Variants in RBMS3 observed in about 807,000 individuals in gnomAD.
RBMS3 encodes RNA-binding motif, single-stranded-interacting protein 3.
Under a neutral mutation model 66.8 loss-of-function variants are expected in RBMS3, and 27 were observed. That is an observed-to-expected ratio of 0.40 (90% CI 0.30 to 0.56). The LOEUF (loss-of-function observed/expected upper bound fraction) is 0.56. RBMS3 is among the 20% of genes least tolerant of loss of function. RBMS3 has a pLI of 0.40. For synonymous variants in RBMS3, 188 were observed against 183.0 expected, an observed-to-expected ratio of 1.03 and a Z score of -0.22; for missense variants, 513 against 549.5, an observed-to-expected ratio of 0.93 and a Z score of 0.66.
At chr3:29,801,031 A>G (rs963929439) in intron 6 of RBMS3, among the ~76,000 whole-genome samples, 2 of 150,836 alleles carry the variant, frequency 1.3e-5, no homozygotes, top group African/African-American at 4.9e-5. Context: ...ACACACCTGT[A>G]AACGGAATGA....
chr3:29,782,896 G>A (rs1332913622), intron 6 of RBMS3, among the ~76,000 whole-genome samples: 1 of 152,030 alleles, frequency 6.6e-6, no homozygotes, highest in Non-Finnish European at 1.5e-5. Context: ...GCACTAGAAA[G>A]TCTCAGCAAT....
intron 14 of RBMS3, among the ~76,000 whole-genome samples, chr3:29,995,802 A>G (rs1426602212): frequency 6.6e-5 from 10 of 152,258 alleles, no homozygotes; most frequent in African/African-American, 1.2e-4. Context: ...GGTACCAGCC[A>G]CTGCAAAATC....
intron 14 of RBMS3, among the ~76,000 whole-genome samples, chr3:29,999,735 A>G (rs1699487728): frequency 6.6e-6 from 1 of 151,790 alleles, no homozygotes; most frequent in Admixed American, 6.6e-5. Flanking sequence ...AGGAAGGGGA[A>G]CATCACACAC....
chr3:29,921,235 T>G (rs1354365812), intron 10 of RBMS3, among the ~76,000 whole-genome samples: 8 of 151,872 alleles, frequency 5.3e-5, no homozygotes, highest in Admixed American at 4.6e-4. Context: ...GCTAATTTTT[T>G]GTTTTTTTAA....
rs151090689 is a variant in RBMS3, at chr3:29,808,785, A to G, written c.637+45796A>G. Among the ~76,000 whole-genome samples, 5 of 152,080 alleles carry G rather than the reference A, an allele frequency of 3.3e-5. No homozygotes were observed. In the East Asian group the frequency reaches 9.6e-4, roughly 29 times the overall value. ...GAATTATAAATTATAAAGAGACAAA[A>G]GAATAGGAAAAGCCTTAGAAATGCG... is the stretch of plus-strand genomic sequence containing the variant. On this transcript the variant is annotated intron_variant, in intron 6 of 14. Transcript: ENST00000383767.
intron 4 of RBMS3, among the ~76,000 whole-genome samples, chr3:29,639,070 C>T (rs9832974): frequency 0.079 from 11,911 of 151,616 alleles, 825 homozygotes; most frequent in East Asian, 0.36. Flanking sequence ...GGTTTACTTA[C>T]AAAGGCACAA....
At chr3:29,916,116 G>C (rs2060633242) in intron 10 of RBMS3, among the ~76,000 whole-genome samples, 1 of 151,938 alleles carries the variant, frequency 6.6e-6, no homozygotes, top group Non-Finnish European at 1.5e-5. Context: ...TCTTATAACT[G>C]TCCTAGAAAA....
chr3:29,944,293 G>A, intron 12 of RBMS3, 39 bp downstream of exon 12: 1 of 1,512,098 alleles, frequency 6.6e-7, no homozygotes. Context: ...GGATTGGAGG[G>A]GAGAGATGGA....
chr3:29,462,733 G>A (rs7649965), intron 2 of RBMS3, among the ~76,000 whole-genome samples: 3,572 of 152,324 alleles, frequency 0.023, 75 homozygotes, highest in South Asian at 0.077. Context: ...CAGCTGAGTT[G>A]TTGAGAATGA....
intron 4 of RBMS3, among the ~76,000 whole-genome samples, chr3:29,682,391 G>A (rs922294788): frequency 6.6e-6 from 1 of 152,232 alleles, no homozygotes; most frequent in Non-Finnish European, 1.5e-5. Context: ...CTGACCTCAT[G>A]ATCCGCCGGC....
At chr3:29,945,808 G>C (rs546103442) in intron 12 of RBMS3, among the ~76,000 whole-genome samples, 2 of 151,660 alleles carry the variant, frequency 1.3e-5, no homozygotes, top group Non-Finnish European at 3.0e-5. Flanking sequence ...TCTAGGCTCA[G>C]GAGTTCTCAC....
At chr3:29,785,776 T>C (rs901287938) in intron 6 of RBMS3, among the ~76,000 whole-genome samples, 9 of 151,966 alleles carry the variant, frequency 5.9e-5, no homozygotes, top group Non-Finnish European at 1.2e-4. Flanking sequence ...CCCTGAGAAC[T>C]GGAACAAGAG....
In RBMS3 at chr3:29,866,008, G is replaced by C. The variant is rs1016526693; in HGVS notation, c.638-2850G>C. Among the ~76,000 whole-genome samples, 14 of 134,612 alleles carry C rather than the reference G, an allele frequency of 1.0e-4. No homozygotes were observed. In the South Asian group the frequency reaches 2.8e-3, roughly 27 times the overall value. The allele number at this position is 134,612 out of a possible 152,430, so 88.3% of individuals were successfully genotyped here. A position where few individuals can be genotyped will look rare whatever the true frequency, so the allele number is the denominator to read the frequency against. Reference sequence around the variant, plus strand: ...AGTTGCCTCATAGAGTTGTAGTAAAGATTAAATGAATGATCTATGTAAAAT... The same window carrying C: ...AGTTGCCTCATAGAGTTGTAGTAAACATTAAATGAATGATCTATGTAAAAT... On this transcript the variant is annotated intron_variant, in intron 6 of 14. Transcript: ENST00000383767.
At chr3:29,896,153 A>G (rs573462544) in intron 8 of RBMS3, among the ~76,000 whole-genome samples, 14 of 151,556 alleles carry the variant, frequency 9.2e-5, no homozygotes, top group African/African-American at 3.4e-4. Context: ...TTAAGACTAT[A>G]TTTTTGCTTG....
chr3:29,806,491 A>G (rs560763155), intron 6 of RBMS3, among the ~76,000 whole-genome samples: 1 of 151,994 alleles, frequency 6.6e-6, no homozygotes, highest in Non-Finnish European at 1.5e-5. Flanking sequence ...CCTATTGACC[A>G]TATCAACTGA....
intron 6 of RBMS3, among the ~76,000 whole-genome samples, chr3:29,811,886 G>C (rs1303605640): frequency 6.6e-6 from 1 of 152,156 alleles, no homozygotes; most frequent in East Asian, 1.9e-4. Flanking sequence ...CTGAGGGTAT[G>C]CTCTGCCGTT....
intron 5 of RBMS3, among the ~76,000 whole-genome samples, chr3:29,747,443 TA>T (rs2054970355): frequency 6.4e-5 from 9 of 140,630 alleles, no homozygotes; most frequent in African/African-American, 1.4e-4. Context: ...GATAGATAGA[TA>T]GATAGATGTC....
chr3:29,802,587 G>A (rs765850682), intron 6 of RBMS3, among the ~76,000 whole-genome samples: 3 of 152,140 alleles, frequency 2.0e-5, no homozygotes, highest in African/African-American at 7.2e-5. Context: ...ATGTGCCCAC[G>A]TGTCAATGAA....
At chr3:29,689,322 C>A in intron 4 of RBMS3, among the ~76,000 whole-genome samples, 1 of 152,058 alleles carries the variant, frequency 6.6e-6, no homozygotes, top group Non-Finnish European at 1.5e-5. Context: ...ATGTGCTCCC[C>A]ATACCCATAA....
Sources: allele counts gnomAD v4.1 joint callset (sites outside exome capture counted in the v4.1 genomes callset), GRCh38; gene constraint gnomAD v4.1.1; transcripts MANE v1.5; gene names NCBI Gene and HGNC (gene_info 2026-07-23, HGNC 2026-07-21).